Variants in ACYP2 observed in about 807,000 individuals in gnomAD.
ACYP2 encodes the protein acylphosphatase-2.
Under a neutral mutation model 11.2 loss-of-function variants are expected in ACYP2, and 12 were observed. The ratio of observed to expected loss-of-function variants is 1.08; its 90% CI spans 0.69 to 1.74. The LOEUF is 1.74. Among genes scored for constraint, ACYP2 ranks in the 40% most tolerant of loss-of-function variants. The probability of loss-of-function intolerance (pLI) is 0.00; values close to 1 mark genes in which losing one functional copy is unlikely to be tolerated. For missense variants in ACYP2, 134 were observed against 101.9 expected (o/e 1.31, Z -1.35); for synonymous variants, 43 against 32.2 (o/e 1.33, Z -1.13).
chr2:54,075,044 A>G (rs1677256289), intron 4 of ACYP2, among the ~76,000 whole-genome samples: 2 of 152,148 alleles, frequency 1.3e-5, no homozygotes, highest in African/African-American at 4.8e-5. Context: ...CTACTTTCTC[A>G]TTGGTCCTGG....
intron 6 of ACYP2, among the ~76,000 whole-genome samples, chr2:54,198,266 C>T (rs1257282570): frequency 1.3e-5 from 2 of 152,080 alleles, no homozygotes; most frequent in African/African-American, 4.8e-5. Context: ...CCACCTGCCT[C>T]GGCCTCCCAA....
Position 54,281,875 on chromosome 2 carries a change from A to G in ACYP2, c.405-22813A>G, listed in dbSNP as rs115418782. Among the ~76,000 whole-genome samples, 460 of 152,324 alleles carry G rather than the reference A, an allele frequency of 3.0e-3. 4 individuals are homozygous for G. The highest frequency in any genetic ancestry group is 0.01 in the African/African-American group (433 of 41,562). ...TTTGAACAAGATTATAAAAATAGTA[A>G]TTATACCCTATCAGCTAATTATTTT... is the stretch of plus-strand genomic sequence containing the variant. On this transcript the variant is annotated intron_variant, in intron 6 of 6. Coordinates refer to ENST00000607452, the MANE Select transcript of ACYP2 (RefSeq NM_001320586.2).
chr2:54,206,305 G>C (rs1001117799), intron 6 of ACYP2, among the ~76,000 whole-genome samples: 1 of 152,150 alleles, frequency 6.6e-6, no homozygotes, highest in Non-Finnish European at 1.5e-5. Context: ...TTGTGCATTA[G>C]AGGCAGATAC....
chr2:54,172,375 T>A (rs762728789), intron 6 of ACYP2, among the ~76,000 whole-genome samples: 1 of 152,182 alleles, frequency 6.6e-6, no homozygotes, highest in Non-Finnish European at 1.5e-5. Flanking sequence ...ATGTGCTTTG[T>A]TTATGAACAC....
At chr2:54,085,241 G>A (rs1461447088) in intron 4 of ACYP2, among the ~76,000 whole-genome samples, 3 of 152,296 alleles carry the variant, frequency 2.0e-5, no homozygotes, top group African/African-American at 7.2e-5. Flanking sequence ...TTCCAAGGCT[G>A]TGCACATTTA....
chr2:54,056,241 C>T (rs903568390), intron 3 of ACYP2, among the ~76,000 whole-genome samples: 1 of 152,208 alleles, frequency 6.6e-6, no homozygotes, highest in Non-Finnish European at 1.5e-5. Context: ...AGTTTATCTG[C>T]TTATCTACTG....
At chr2:54,159,263 G>C (rs910502636) in intron 6 of ACYP2, among the ~76,000 whole-genome samples, 1 of 151,866 alleles carries the variant, frequency 6.6e-6, no homozygotes. Context: ...CATCTCATTC[G>C]GTCACGTGAA....
intron 6 of ACYP2, among the ~76,000 whole-genome samples, chr2:54,250,261 G>A (rs765582868): frequency 5.9e-5 from 9 of 152,044 alleles, no homozygotes; most frequent in South Asian, 2.1e-4. Flanking sequence ...GGCAGATCAC[G>A]AGGTCAGGAG....
chr2:54,004,914 AAC>A (rs1262495763), intron 2 of ACYP2, among the ~76,000 whole-genome samples: 4 of 150,992 alleles, frequency 2.6e-5, no homozygotes, highest in Non-Finnish European at 4.4e-5. Context: ...AAAAAAAAAA[AAC>A]AAAAGAAAGA....
At chr2:53,989,863 C>T (rs905930345) in intron 2 of ACYP2, among the ~76,000 whole-genome samples, 6 of 152,170 alleles carry the variant, frequency 3.9e-5, no homozygotes, top group African/African-American at 1.4e-4. Context: ...GTGGCAGCAG[C>T]ATCTCCACCA....
At chr2:54,048,795 C>G (rs1341277517) in intron 2 of ACYP2, among the ~76,000 whole-genome samples, 1 of 152,196 alleles carries the variant, frequency 6.6e-6, no homozygotes, top group Non-Finnish European at 1.5e-5. Context: ...TAGACACTGA[C>G]AAGAGGAAGT....
intron 6 of ACYP2, among the ~76,000 whole-genome samples, chr2:54,281,997 T>C (rs2104118461): frequency 6.6e-6 from 1 of 152,360 alleles, no homozygotes; most frequent in South Asian, 2.1e-4. Flanking sequence ...TACTTATTTA[T>C]ATCCTATGTT....
rs550336492 is a variant in ACYP2, at chr2:54,302,678, A to C, written c.405-2010A>C. Among the ~76,000 whole-genome samples the C allele has an allele frequency of 3.3e-5, 5 of 152,244 alleles. No individual in the cohort carries two copies. In the East Asian group the frequency reaches 9.7e-4, roughly 29 times the overall value. ...CTTTGGATGTCTAACAGACATCTCA[A>C]ATGTAACATTCCAAAACTGAGCCTC... On this transcript the variant is annotated intron_variant, in intron 6 of 6. Transcript: ENST00000607452.
intron 6 of ACYP2, among the ~76,000 whole-genome samples, chr2:54,259,647 T>G (rs1463769327): frequency 6.6e-6 from 1 of 151,048 alleles, no homozygotes; most frequent in Non-Finnish European, 1.5e-5. Context: ...GCACTTTCAG[T>G]GGAGTGGTGG....
At chr2:54,243,133 A>C (rs1314539930) in intron 6 of ACYP2, among the ~76,000 whole-genome samples, 2 of 152,132 alleles carry the variant, frequency 1.3e-5, no homozygotes, top group Non-Finnish European at 2.9e-5. Context: ...TCGTTTGAAA[A>C]ATTTTTTTTG....
chr2:54,180,367 C>G (rs7606116), intron 6 of ACYP2, among the ~76,000 whole-genome samples: 6,379 of 152,006 alleles, frequency 0.042, 455 homozygotes, highest in African/African-American at 0.14. Flanking sequence ...GCGGGTGGGG[C>G]TGAATATCTT....
chr2:54,092,260 G>A (rs1324007827), intron 4 of ACYP2, among the ~76,000 whole-genome samples: 1 of 152,224 alleles, frequency 6.6e-6, no homozygotes, highest in Non-Finnish European at 1.5e-5. Flanking sequence ...TTATGAAAGA[G>A]GGAAGAATAG....
chr2:54,056,234 T>A (rs1044712351), intron 3 of ACYP2, among the ~76,000 whole-genome samples: 15 of 152,202 alleles, frequency 9.9e-5, no homozygotes, highest in African/African-American at 3.4e-4. Context: ...CACCCTAAGT[T>A]TATCTGCTTA....
chr2:54,115,071 A>C (rs1679672838), intron 4 of ACYP2, among the ~76,000 whole-genome samples: 1 of 152,174 alleles, frequency 6.6e-6, no homozygotes, highest in African/African-American at 2.4e-5. Flanking sequence ...TATTGGTCAA[A>C]GGGTACAAAG....
Sources: gnomAD v4.1 joint callset for allele counts (sites outside exome capture counted in the v4.1 genomes callset) on GRCh38, gnomAD v4.1.1 for gene constraint, MANE v1.5 for transcripts, NCBI Gene and HGNC (gene_info 2026-07-23, HGNC 2026-07-21) for gene names.